Variants in IQSEC1 observed in about 807,000 individuals in gnomAD.
IQSEC1 encodes IQ motif and Sec7 domain ArfGEF 1, also known as IQ motif and SEC7 domain-containing protein 1.
IQSEC1 carries 31 observed loss-of-function variants against 91.0 expected under a neutral mutation model. The observed-to-expected ratio is 0.34, with a 90% confidence interval of 0.26 to 0.46. IQSEC1 has a LOEUF of 0.46. IQSEC1 is among the 20% of genes least tolerant of loss of function. IQSEC1 has a pLI of 1.00. For missense variants in IQSEC1, 1,388 were observed against 1,575.6 expected (o/e 0.88, Z 2.02); for synonymous variants, 699 against 662.6 (o/e 1.05, Z -0.84).
Position 12,920,414 on chromosome 3 carries a change from G to C in IQSEC1, c.2020+16C>G. The C allele has an allele frequency of 6.2e-7, 1 of 1,611,328 alleles. No homozygotes were observed. Among genetic ancestry groups the C allele is most frequent in the Non-Finnish European group, 8.5e-7 (1 of 1,177,664 alleles). On this transcript the variant is annotated intron_variant, in intron 6 of 13. Coordinates refer to ENST00000613206, the MANE Select transcript of IQSEC1 (RefSeq NM_001134382.3). The stretch of plus-strand genomic sequence containing the variant: ...GGAGCAAATCTGTGGCTGGCCGACC[G>C]CCTGAGACAGCTCACCTCGGAGGTT...
chr3:13,269,826 CCTT>C (rs1044710186), intron 1 of IQSEC1, among the ~76,000 whole-genome samples: 1 of 152,240 alleles, frequency 6.6e-6, no homozygotes, highest in Non-Finnish European at 1.5e-5. Context: ...AATTGTCCCT[CCTT>C]CTCCCAGGGA....
rs145847515 is a variant in IQSEC1 at position 13,208,439 on chromosome 3, C to T, written c.273-44306G>A. ...CCTCTGCAAAGGCTGTGCCTCCTTC[C>T]GTCCCTCGTCCACCTGGTGAACTCC... is the stretch of plus-strand genomic sequence containing the variant. On this transcript the variant is annotated intron_variant, in intron 1 of 15. Transcript: ENST00000648114. Among the ~76,000 whole-genome samples the T allele has an allele frequency of 9.9e-5, 15 of 152,240 alleles. No homozygotes were observed. The East Asian group carries it at 2.1e-3, about 22-fold the overall frequency.
chr3:13,044,364 C>G (rs1435895647), intron 1 of IQSEC1, among the ~76,000 whole-genome samples: 1 of 152,164 alleles, frequency 6.6e-6, no homozygotes, highest in Non-Finnish European at 1.5e-5. Flanking sequence ...TGGTCCTGCC[C>G]AAAATGTCAG....
At chr3:12,996,169 A>C (rs1379266365) in intron 1 of IQSEC1, among the ~76,000 whole-genome samples, 1 of 151,198 alleles carries the variant, frequency 6.6e-6, no homozygotes, top group Non-Finnish European at 1.5e-5. Flanking sequence ...TCTTAAAAAC[A>C]CTTTTTTTTT....
At chr3:13,221,559 C>A (rs1468153610) in intron 1 of IQSEC1, among the ~76,000 whole-genome samples, 1 of 143,698 alleles carries the variant, frequency 7.0e-6, no homozygotes, top group Non-Finnish European at 1.5e-5. Flanking sequence ...GGCCGCCTGG[C>A]CAAGGAGGCC....
At position 13,157,657 on chromosome 3, in the gene IQSEC1, G is replaced by A. The variant is rs766691034; in HGVS notation, c.302+6447C>T. Among the ~76,000 whole-genome samples the A allele has an allele frequency of 1.4e-4, 21 of 152,310 alleles. 1 individual carries two copies. Among genetic ancestry groups the A allele is most frequent in the East Asian group, 1.4e-3 (7 of 5,182 alleles). On this transcript the variant is annotated intron_variant, in intron 2 of 15. Transcript: ENST00000648114. ...TCATAAACCCAGGGGAGCAAAGGAA[G>A]GAAGGAGGACAGCCAAAAGGGCACA...
At position 12,900,590 on chromosome 3, in the gene IQSEC1, T is replaced by G; in HGVS notation, c.*393A>C. Reference sequence around the variant, plus strand: ...TAATGCAGCAAGTTTTGGGGTTTGTTTTGTCTGTTTTTGTATCTCATTTCT... The same window carrying G: ...TAATGCAGCAAGTTTTGGGGTTTGTGTTGTCTGTTTTTGTATCTCATTTCT... On this transcript the variant is annotated 3_prime_UTR_variant, in exon 14 of 14. Transcript: ENST00000613206. The G allele has an allele frequency of 2.0e-6, 2 of 1,018,402 alleles. No individual in the cohort carries two copies. Among genetic ancestry groups the G allele is most frequent in the Non-Finnish European group, 2.4e-6 (2 of 850,336 alleles). 63.1% of individuals were successfully genotyped at this position (1,018,402 alleles called of 1,614,324 possible). A position where few individuals can be genotyped will look rare whatever the true frequency, so the allele number is the denominator to read the frequency against.
intron 1 of IQSEC1, among the ~76,000 whole-genome samples, chr3:13,030,964 C>T (rs188754232): frequency 9.9e-5 from 15 of 152,218 alleles, no homozygotes; most frequent in Admixed American, 1.3e-4. Flanking sequence ...CAAAATAATA[C>T]GTTGGTTGGA....
intron 1 of IQSEC1, among the ~76,000 whole-genome samples, chr3:13,255,978 T>C (rs1225044924): frequency 6.6e-6 from 1 of 152,182 alleles, no homozygotes; most frequent in Non-Finnish European, 1.5e-5. Flanking sequence ...CTGGACCTGA[T>C]GGCCTTTGGA....
chr3:13,014,937 C>A (rs1000613915), intron 1 of IQSEC1, among the ~76,000 whole-genome samples: 1 of 152,152 alleles, frequency 6.6e-6, no homozygotes, highest in Non-Finnish European at 1.5e-5. Flanking sequence ...ATGGCCCCAG[C>A]GAGCCTGGGG....
In IQSEC1 at chr3:12,994,946, G is replaced by A. The variant is rs1394748595; in HGVS notation, c.24-53081C>T. On this transcript the variant is annotated intron_variant, in intron 1 of 13. Coordinates refer to ENST00000613206, the MANE Select transcript of IQSEC1 (RefSeq NM_001134382.3). This position sits in a 1 kb window ranked among gnomAD's most constrained non-coding sequence, Gnocchi z 4.5. ...GCTGGGCCTGGAAGGGATATGGGCG[G>A]GAGCGCGCCCGCGGGGGTGCACCTA... 6.6e-6 allele frequency: 1 copy of A among 152,556 alleles called. No homozygotes were observed. Among genetic ancestry groups the A allele is most frequent in the African/African-American group, 2.4e-5 (1 of 41,490 alleles). 9.5% of individuals were successfully genotyped at this position (152,556 alleles called of 1,614,324 possible).
intron 1 of IQSEC1, among the ~76,000 whole-genome samples, chr3:13,257,791 G>T (rs1183239977): frequency 6.6e-6 from 1 of 152,194 alleles, no homozygotes; most frequent in Admixed American, 6.5e-5. Flanking sequence ...ATACGCCCCT[G>T]CCACACGGCC....
chr3:13,006,056 A>T (rs1420231371), intron 1 of IQSEC1, among the ~76,000 whole-genome samples: 1 of 152,126 alleles, frequency 6.6e-6, no homozygotes, highest in Non-Finnish European at 1.5e-5. Context: ...TACTCCCCTC[A>T]CCCCAACCTG....
intron 2 of IQSEC1, among the ~76,000 whole-genome samples, chr3:13,110,136 C>T (rs1030385147): frequency 2.0e-5 from 3 of 151,768 alleles, no homozygotes; most frequent in Non-Finnish European, 4.4e-5. Flanking sequence ...CCTGCCTTGG[C>T]CCCCCAAAGT....
At chr3:12,956,291 G>C (rs1464466388) in intron 1 of IQSEC1, among the ~76,000 whole-genome samples, 2 of 152,176 alleles carry the variant, frequency 1.3e-5, no homozygotes, top group Non-Finnish European at 2.9e-5. Flanking sequence ...CCAACGCAAA[G>C]AACAGAACTA....
rs1160734571 is a variant in IQSEC1 at position 12,967,456 on chromosome 3, G to A, written c.24-25591C>T. 2.6e-6 allele frequency: 4 copies of A among 1,516,864 alleles called. No homozygotes were observed. The East Asian group carries it at 7.9e-5, about 30-fold the overall frequency. 94.0% of individuals were successfully genotyped at this position (1,516,864 alleles called of 1,614,324 possible). On this transcript the variant is annotated intron_variant, in intron 1 of 13. Coordinates refer to ENST00000613206, the MANE Select transcript of IQSEC1 (RefSeq NM_001134382.3). The surrounding 1 kb of genome is among the most constrained non-coding windows in gnomAD (Gnocchi z 5.9). ...GTTGCAGTGCAGGCACCACATGGCG[G>A]CCGCAGTGGGAGCGGGCCGGGCCGG...
chr3:12,976,565 C>A (rs1701184226), intron 1 of IQSEC1, among the ~76,000 whole-genome samples: 2 of 151,118 alleles, frequency 1.3e-5, no homozygotes, highest in African/African-American at 2.4e-5. Context: ...TACGACAATA[C>A]ATGTATGTTC....
intron 2 of IQSEC1, among the ~76,000 whole-genome samples, chr3:13,086,435 C>T (rs1468955845): frequency 6.6e-6 from 1 of 152,172 alleles, no homozygotes; most frequent in East Asian, 1.9e-4. Flanking sequence ...AAGAAACTGG[C>T]ACACAGAGCC....
chr3:13,066,807 C>T (rs55986460), intron 1 of IQSEC1, among the ~76,000 whole-genome samples: 11,312 of 152,294 alleles, frequency 0.074, 1,318 homozygotes, highest in African/African-American at 0.25. Context: ...GCAGGCAGGG[C>T]GGGCCTGGTC....
Sources: gnomAD v4.1 joint callset for allele counts (sites outside exome capture counted in the v4.1 genomes callset) on GRCh38, gnomAD v4.1.1 for gene constraint, Gnocchi (gnomAD v3.1) non-coding constraint, MANE v1.5 for transcripts, NCBI Gene and HGNC (gene_info 2026-07-23, HGNC 2026-07-21) for gene names.